Variants in FGGY observed in about 807,000 individuals in gnomAD.
The protein encoded by FGGY is FGGY carbohydrate kinase domain containing.
In FGGY, 72 loss-of-function variants were observed where a neutral mutation model predicts 71.3. The ratio of observed to expected loss-of-function variants is 1.01; its 90% CI spans 0.84 to 1.23. The LOEUF is 1.23. FGGY is among the 50% of genes most tolerant of loss of function. FGGY has a pLI of 0.00. For synonymous variants in FGGY, 251 were observed against 250.3 expected (o/e 1.00, Z -0.02); for missense variants, 668 against 682.3 (o/e 0.98, Z 0.23).
chr1:59,305,041 G>A (rs975023326), intron 1 of FGGY, among the ~76,000 whole-genome samples: 1 of 152,054 alleles, frequency 6.6e-6, no homozygotes, highest in Non-Finnish European at 1.5e-5. Flanking sequence ...CAATCTGGAT[G>A]CCTTTCATTT....
chr1:59,355,931 AT>A (rs2054229988), intron 4 of FGGY, among the ~76,000 whole-genome samples: 2 of 152,040 alleles, frequency 1.3e-5, no homozygotes, highest in African/African-American at 4.8e-5. Flanking sequence ...GAAAAAAAAA[AT>A]AAACAATTTT....
At chr1:59,657,867 A>G (rs1328692043) in intron 11 of FGGY, among the ~76,000 whole-genome samples, 3 of 152,198 alleles carry the variant, frequency 2.0e-5, no homozygotes, top group African/African-American at 7.2e-5. Context: ...TGGAGCAAGT[A>G]ACTAAAAGTG....
At chr1:59,564,682 G>A (rs553430308) in intron 8 of FGGY, among the ~76,000 whole-genome samples, 14 of 152,236 alleles carry the variant, frequency 9.2e-5, no homozygotes, top group South Asian at 2.1e-4. Flanking sequence ...GCCACTGGCA[G>A]GAATGTCAAA....
intron 2 of FGGY, among the ~76,000 whole-genome samples, chr1:59,323,455 T>C (rs2046769932): frequency 6.6e-6 from 1 of 152,248 alleles, no homozygotes; most frequent in Admixed American, 6.5e-5. Context: ...AGTATGGATA[T>C]GTGGGCATGT....
chr1:59,396,638 GA>G (rs573264338), intron 5 of FGGY, among the ~76,000 whole-genome samples: 56 of 152,158 alleles, frequency 3.7e-4, no homozygotes, highest in African/African-American at 1.3e-3. Flanking sequence ...ACAAATGGTA[GA>G]AAAAAGGGAC....
Position 59,424,128 on chromosome 1 carries a change from A to ATG in FGGY, c.555-32832_555-32831dup, listed in dbSNP as rs2065918557. Among the ~76,000 whole-genome samples, 4 of 152,374 alleles carry ATG rather than the reference A, an allele frequency of 2.6e-5. No homozygotes were observed. In the South Asian group the frequency reaches 6.2e-4, roughly 24 times the overall value. On this transcript the variant is annotated intron_variant, in intron 5 of 15. Transcript: ENST00000303721. ...AGATCTGAAAAGAAGCTAATAATCA[A>ATG]TGCATGAAGATGTGTGAGGAACTTG...
intron 11 of FGGY, 149 bp downstream of exon 11, chr1:59,638,524 C>A: frequency 1.1e-6 from 1 of 876,632 alleles, no homozygotes; most frequent in East Asian, 2.6e-5. Flanking sequence ...TGTTGCTGCT[C>A]CCTGGGATGA....
chr1:59,304,397 T>A lies in FGGY; in HGVS notation c.-15+7247T>A, dbSNP rs150899529. Among the ~76,000 whole-genome samples, 8 of 152,260 alleles carry A rather than the reference T, an allele frequency of 5.3e-5. No homozygotes were observed. In the East Asian group the frequency reaches 1.5e-3, roughly 29 times the overall value. ...GTTGATTGTATATGAGTAGTTTATT[T>A]CTGGGTTTTCTATTGGTTCCATTAG... On this transcript the variant is annotated intron_variant, in intron 1 of 15. Transcript: ENST00000303721.
At chr1:59,651,205 T>C (rs1018551269) in intron 11 of FGGY, among the ~76,000 whole-genome samples, 1 of 152,124 alleles carries the variant, frequency 6.6e-6, no homozygotes, top group African/African-American at 2.4e-5. Context: ...TGTGGTGCGG[T>C]GCTGAAAAAA....
At chr1:59,313,719 A>G (rs1285402761) in intron 1 of FGGY, among the ~76,000 whole-genome samples, 1 of 152,186 alleles carries the variant, frequency 6.6e-6, no homozygotes, top group Non-Finnish European at 1.5e-5. Context: ...AAAACCAAAC[A>G]TTGTATGTTC....
intron 6 of FGGY, among the ~76,000 whole-genome samples, chr1:59,482,813 T>C (rs1227525304): frequency 6.6e-6 from 1 of 152,076 alleles, no homozygotes; most frequent in South Asian, 2.1e-4. Flanking sequence ...CTTTTAAAAT[T>C]ATCTAGTTAT....
chr1:59,654,782 A>G (rs2097202959), intron 11 of FGGY, among the ~76,000 whole-genome samples: 1 of 152,164 alleles, frequency 6.6e-6, no homozygotes, highest in South Asian at 2.1e-4. Context: ...GATCCCAGGA[A>G]ACCTACACTC....
At chr1:59,653,459 G>A (rs559433057) in intron 11 of FGGY, among the ~76,000 whole-genome samples, 1 of 152,278 alleles carries the variant, frequency 6.6e-6, no homozygotes, top group East Asian at 1.9e-4. Flanking sequence ...CTCGTGGTTC[G>A]CCGTTTTTTA....
intron 14 of FGGY, among the ~76,000 whole-genome samples, chr1:59,740,829 A>C (rs1004809776): frequency 1.3e-5 from 2 of 152,196 alleles, no homozygotes; most frequent in African/African-American, 4.8e-5. Flanking sequence ...GCTATCCAAC[A>C]GTAGCCATTA....
intron 11 of FGGY, among the ~76,000 whole-genome samples, chr1:59,651,938 G>T (rs1256744511): frequency 6.6e-6 from 1 of 151,400 alleles, no homozygotes; most frequent in South Asian, 2.1e-4. Flanking sequence ...GCTCTTTTAG[G>T]GCAGGCCTGG....
At chr1:59,501,363 A>C (rs1007128092) in intron 6 of FGGY, among the ~76,000 whole-genome samples, 23 of 152,226 alleles carry the variant, frequency 1.5e-4, no homozygotes, top group African/African-American at 5.5e-4. Flanking sequence ...GACAGGATAA[A>C]AAATTGAGAA....
At chr1:59,506,257 A>C (rs1289434780) in intron 6 of FGGY, among the ~76,000 whole-genome samples, 1 of 152,190 alleles carries the variant, frequency 6.6e-6, no homozygotes, top group South Asian at 2.1e-4. Flanking sequence ...AGAGTACCCT[A>C]CACTGGATCC....
chr1:59,437,945 C>G (rs942752225), intron 5 of FGGY, among the ~76,000 whole-genome samples: 2 of 152,154 alleles, frequency 1.3e-5, no homozygotes, highest in Non-Finnish European at 2.9e-5. Context: ...AGAGATTATC[C>G]ATAAAACTTG....
chr1:59,582,814 C>T (rs75783623), intron 8 of FGGY, among the ~76,000 whole-genome samples: 1 of 150,440 alleles, frequency 6.6e-6, no homozygotes, highest in Non-Finnish European at 1.5e-5. Flanking sequence ...AAGCTCCTCA[C>T]ACAAAGTCAG....
Sources: gnomAD v4.1 joint callset for allele counts (sites outside exome capture counted in the v4.1 genomes callset) on GRCh38, gnomAD v4.1.1 for gene constraint, MANE v1.5 for transcripts, NCBI Gene and HGNC (gene_info 2026-07-23, HGNC 2026-07-21) for gene names.